The following LRMDA variants were observed in gnomAD, a reference collection of about 807,000 sequenced individuals.
LRMDA encodes the protein leucine rich melanocyte differentiation associated, also known as leucine-rich melanocyte differentiation-associated protein.
A neutral mutation model predicts 29.8 loss-of-function variants in LRMDA; 18 were observed. The ratio of observed to expected loss-of-function variants is 0.60; its 90% confidence interval spans 0.42 to 0.90. The LOEUF (loss-of-function observed/expected upper bound fraction) is 0.90. Ranked by LOEUF, LRMDA falls within the 40% of genes least tolerant of loss-of-function variation. The probability of loss-of-function intolerance (pLI) is 0.00; values close to 1 mark genes in which losing one functional copy is unlikely to be tolerated. For synonymous variants in LRMDA, 125 were observed against 109.4 expected (o/e 1.14, Z -0.89); for missense variants, 273 against 273.9 (o/e 1.00, Z 0.02).
At chr10:76,247,841 T>A (rs11001707) in intron 5 of LRMDA, among the ~76,000 whole-genome samples, 2,007 of 152,280 alleles carry the variant, frequency 0.013, 33 homozygotes, top group Non-Finnish European at 0.015. Flanking sequence ...GTAAAGAGAT[T>A]GGAGTGCCTT....
At chr10:75,973,562 G>A (rs922158670) in intron 2 of LRMDA, among the ~76,000 whole-genome samples, 13 of 152,028 alleles carry the variant, frequency 8.6e-5, no homozygotes, top group African/African-American at 3.1e-4. Context: ...GGGATTACAG[G>A]CACCTGCCAC....
rs10824375 is a variant in LRMDA, at chr10:76,160,424, A to G, written c.516+101641A>G. On this transcript the variant is annotated intron_variant, in intron 5 of 6. Coordinates refer to ENST00000611255, the MANE Select transcript of LRMDA (RefSeq NM_001305581.2). ...ATTATAAGCTTTTTTAGGTATGACA[A>G]TTGTGGTTATATTTAAAATTTTTTT... 6.5e-3 allele frequency among the ~76,000 whole-genome samples: 990 copies of G among 152,116 alleles called. 11 individuals are homozygous for G. Among genetic ancestry groups the G allele is most frequent in the African/African-American group, 0.022 (914 of 41,502 alleles).
chr10:76,058,207 C>A (rs1848646415), intron 4 of LRMDA, among the ~76,000 whole-genome samples: 1 of 152,246 alleles, frequency 6.6e-6, no homozygotes, highest in African/African-American at 2.4e-5. Context: ...ATGTGTTCCT[C>A]ACTTGTAACC....
intron 2 of LRMDA, among the ~76,000 whole-genome samples, chr10:75,811,466 C>T (rs1843959143): frequency 6.6e-6 from 1 of 152,152 alleles, no homozygotes; most frequent in South Asian, 2.1e-4. Context: ...CCCTCGGGAA[C>T]CCCTAGGGCA....
intron 2 of LRMDA, among the ~76,000 whole-genome samples, chr10:75,626,292 G>T (rs3012040): frequency 6.6e-6 from 1 of 151,958 alleles, no homozygotes; most frequent in East Asian, 1.9e-4. Flanking sequence ...ATGACAGCCC[G>T]ACATCATTCC....
intron 2 of LRMDA, among the ~76,000 whole-genome samples, chr10:75,821,452 T>C (rs1357677154): frequency 1.3e-5 from 2 of 152,190 alleles, no homozygotes; most frequent in Non-Finnish European, 1.5e-5. Flanking sequence ...AAGCATTAGA[T>C]AACATCCAGC....
intron 5 of LRMDA, among the ~76,000 whole-genome samples, chr10:76,258,026 A>G (rs1423189041): frequency 3.3e-5 from 5 of 152,232 alleles, no homozygotes; most frequent in Non-Finnish European, 1.5e-5. Context: ...CTTGTATAAC[A>G]TTTGTTAATG....
At chr10:75,454,528 T>C (rs900739310) in intron 2 of LRMDA, among the ~76,000 whole-genome samples, 2 of 152,148 alleles carry the variant, frequency 1.3e-5, no homozygotes, top group African/African-American at 2.4e-5. Context: ...TGGAATTGCC[T>C]GGTGGGGTGT....
intron 6 of LRMDA, chr10:76,556,354 GTTTT>G (rs1191889883): frequency 6.6e-6 from 1 of 151,708 alleles, no homozygotes; most frequent in Non-Finnish European, 1.5e-5. Context: ...TTTTGTTTTT[GTTTT>G]TTTGTTTTTT....
At chr10:76,070,064 G>A (rs762510813) in intron 5 of LRMDA, among the ~76,000 whole-genome samples, 1 of 152,230 alleles carries the variant, frequency 6.6e-6, no homozygotes, top group Non-Finnish European at 1.5e-5. Flanking sequence ...AATGGGGAAT[G>A]TAATGCCTTC....
At chr10:76,036,873 G>A (rs1199800904) in intron 3 of LRMDA, among the ~76,000 whole-genome samples, 5 of 152,160 alleles carry the variant, frequency 3.3e-5, no homozygotes, top group Non-Finnish European at 7.3e-5. Context: ...TGGATTACCC[G>A]GCACTAGAAT....
At chr10:75,705,578 C>T (rs552820466) in intron 2 of LRMDA, among the ~76,000 whole-genome samples, 1 of 152,202 alleles carries the variant, frequency 6.6e-6, no homozygotes, top group East Asian at 1.9e-4. Flanking sequence ...GGGAGAGTTA[C>T]CTGGAAATTT....
intron 6 of LRMDA, among the ~76,000 whole-genome samples, chr10:76,357,906 G>A (rs1225194405): frequency 6.6e-6 from 1 of 152,084 alleles, no homozygotes; most frequent in Non-Finnish European, 1.5e-5. Flanking sequence ...TGAGGCCTCC[G>A]GAAGAAACTC....
intron 5 of LRMDA, among the ~76,000 whole-genome samples, chr10:76,087,793 A>G (rs1448017590): frequency 6.6e-6 from 1 of 152,160 alleles, no homozygotes; most frequent in Non-Finnish European, 1.5e-5. Flanking sequence ...CAGTGACACA[A>G]ACTTTGATTT....
At chr10:75,645,405 G>A (rs1841505836) in intron 2 of LRMDA, among the ~76,000 whole-genome samples, 2 of 152,300 alleles carry the variant, frequency 1.3e-5, no homozygotes, top group African/African-American at 2.4e-5. Flanking sequence ...GCTAGTAAAT[G>A]TCAGGACAGA....
intron 6 of LRMDA, among the ~76,000 whole-genome samples, chr10:76,514,384 A>T (rs926306568): frequency 5.9e-5 from 9 of 152,168 alleles, no homozygotes; most frequent in Non-Finnish European, 1.3e-4. Flanking sequence ...GTTGCTTAGC[A>T]GAGAAGTGGA....
chr10:76,476,184 T>A (rs1842668694), intron 6 of LRMDA, among the ~76,000 whole-genome samples: 1 of 151,400 alleles, frequency 6.6e-6, no homozygotes, highest in Admixed American at 6.6e-5. Flanking sequence ...GAGAGAAGAA[T>A]CAAATAGACG....
chr10:76,204,117 T>G (rs1487973255), intron 5 of LRMDA, among the ~76,000 whole-genome samples: 1 of 141,580 alleles, frequency 7.1e-6, no homozygotes, highest in East Asian at 2.3e-4. Context: ...CATCAACCCA[T>G]CTCTCCATGT....
At chr10:75,997,307 C>T (rs1164386531) in intron 2 of LRMDA, among the ~76,000 whole-genome samples, 1 of 152,134 alleles carries the variant, frequency 6.6e-6, no homozygotes, top group Non-Finnish European at 1.5e-5. Context: ...CACTTATAAA[C>T]ATTTACCCAT....
Sources: gnomAD v4.1 joint callset for allele counts (sites outside exome capture counted in the v4.1 genomes callset) on GRCh38, gnomAD v4.1.1 for gene constraint, MANE v1.5 for transcripts, NCBI Gene and HGNC (gene_info 2026-07-23, HGNC 2026-07-21) for gene names.